PKD1L3: variants seen among roughly 807,000 people sequenced by gnomAD.
PKD1L3 encodes polycystin 1 like 3, transient receptor potential channel interacting.
Under a neutral mutation model 184.1 loss-of-function variants are expected in PKD1L3, and 239 were observed. That is an observed-to-expected ratio of 1.30 (90% CI 1.17 to 1.45). The LOEUF (loss-of-function observed/expected upper bound fraction) is 1.45. Ranked by LOEUF, PKD1L3 falls within the 40% of genes most tolerant of loss-of-function variation. The probability of loss-of-function intolerance (pLI) is 0.00; values close to 1 mark genes in which losing one functional copy is unlikely to be tolerated. For missense variants in PKD1L3, 2,660 were observed against 2,067.2 expected (o/e 1.29, Z -5.56); for synonymous variants, 996 against 778.8 (o/e 1.28, Z -4.64).
Position 71,999,946 on chromosome 16 carries a change from T to C in PKD1L3, c.33A>G (p.Leu11=), listed in dbSNP as rs904950379. The change falls in exon 1 of 30, where the codon TTA becomes TTG. Residue 11 remains leucine, a synonymous_variant. Transcript: ENST00000620267. MFFKGGSWLW[L]YIRTSIILGS... ...CTAGAATAATACTTGTTCTGATGTA[T>C]AACCAAAGCCAGCTTCCTCCTTTGA... is the stretch of plus-strand genomic sequence containing the variant. 30 of 1,534,860 alleles carry C rather than the reference T, an allele frequency of 2.0e-5. 1 individual carries two copies. The highest frequency in any genetic ancestry group is 4.4e-6 in the Non-Finnish European group (5 of 1,134,586).
At position 71,973,442 on chromosome 16, in the gene PKD1L3, A is replaced by C; in HGVS notation, c.1835T>G (p.Leu612Arg). The part of the protein sequence containing the change: ...GIGTYYITAV[L>R]SERQEGAQQT... ...CTGAGCACCCTCCTGCCTCTCACTC[A>C]GCACAGCTGTTATATAGTAGGTGCC... The change falls in exon 12 of 30, where the codon CTG becomes CGG. Residue 612 changes from leucine to arginine, a missense_variant. Transcript: ENST00000620267. 2.6e-6 allele frequency: 4 copies of C among 1,551,816 alleles called. No homozygotes were observed. Among genetic ancestry groups the C allele is most frequent in the Non-Finnish European group, 3.5e-6 (4 of 1,147,038 alleles).
Position 71,990,292 on chromosome 16 carries a change from A to C in PKD1L3, c.573T>G (p.Leu191=), listed in dbSNP as rs2040538617. The stretch of plus-strand genomic sequence containing the variant: ...GGGAAGCACTTACAAGATGAGCAGG[A>C]AGAGGATAGTGACATGTGGTTGGAA... The part of the protein sequence containing the change: ...GHLPTTCHYP[L]PAHLSKTLCH... The change falls in exon 4 of 30, where the codon CTT becomes CTG. Residue 191 remains leucine (L), a synonymous_variant. Transcript: ENST00000620267. 2 of 1,548,172 alleles carry C rather than the reference A, an allele frequency of 1.3e-6. No homozygotes were observed. The highest frequency in any genetic ancestry group is 1.7e-6 in the Non-Finnish European group (2 of 1,144,300).
chr16:71,967,971 C>T lies in PKD1L3; in HGVS notation c.2221G>A (p.Ala741Thr), dbSNP rs1019953806. 6.5e-5 allele frequency: 101 copies of T among 1,551,340 alleles called. 1 individual carries two copies. Among genetic ancestry groups the T allele is most frequent in the Middle Eastern group, 3.3e-4 (2 of 6,014 alleles). The change falls in exon 14 of 30, where the codon GCT becomes ACT. Residue 741 changes from alanine (A) to threonine (T), a missense_variant. Ala to Thr is a moderately conservative substitution (Grantham distance 58). Coordinates refer to ENST00000620267, the MANE Select transcript of PKD1L3 (RefSeq NM_181536.2). ...ACCTGAATAAGGTAGTGAAATTGAG[C>T]GCTGGGGTCATTATCAGCCAGGACA... ...VTVLADNDPS[A>T]QFHYLIQVYT...
chr16:71,957,775 G>A (rs1230970856), intron 16 of PKD1L3, among the ~76,000 whole-genome samples: 1 of 152,128 alleles, frequency 6.6e-6, no homozygotes, highest in African/African-American at 2.4e-5. Context: ...ATGGAAGAAG[G>A]TATTCCATGT....
At chr16:71,985,635 A>G (rs1233455114) in intron 5 of PKD1L3, among the ~76,000 whole-genome samples, 1 of 152,024 alleles carries the variant, frequency 6.6e-6, no homozygotes, top group Non-Finnish European at 1.5e-5. Context: ...AGGTCTCATA[A>G]AGTTGCCTAA....
intron 7 of PKD1L3, among the ~76,000 whole-genome samples, chr16:71,980,434 C>T (rs1472077651): frequency 6.6e-6 from 1 of 152,172 alleles, no homozygotes; most frequent in East Asian, 1.9e-4. Context: ...GTAACTTTCA[C>T]ATATACAGTT....
intron 18 of PKD1L3, among the ~76,000 whole-genome samples, chr16:71,952,504 C>T (rs1159801622): frequency 1.4e-5 from 2 of 144,268 alleles, no homozygotes; most frequent in Non-Finnish European, 3.0e-5. Context: ...CAGGCGTGAG[C>T]CACCGTGCCC....
chr16:71,952,918 A>T lies in PKD1L3; in HGVS notation c.2985T>A (p.Pro995=). ...CCTCAACTACCATTGTGGCAGAGAG[A>T]GGCTCAACAGAAGCATCTGAGAGGC... ...ASCLSDASVE[P]LSATMVVEEL... Residue 995 remains proline (P), a synonymous_variant, in exon 18 of 30, where the codon CCT becomes CCA. Transcript: ENST00000620267. 1 of 1,549,222 alleles carries T rather than the reference A, an allele frequency of 6.5e-7. No homozygotes were observed. Among genetic ancestry groups the T allele is most frequent in the Non-Finnish European group, 8.7e-7 (1 of 1,146,468 alleles).
In PKD1L3 at chr16:71,950,718, CTTTT is replaced by C. The variant is rs552837146; in HGVS notation, c.3191-412_3191-409del. ...GGATATGTGGGTATAATACAGAAAA[CTTTT>C]TTTTGTATTTCTCTCTTTTTTTTTT... On this transcript the variant is annotated intron_variant, in intron 19 of 29. Transcript: ENST00000620267. Among the ~76,000 whole-genome samples the C allele has an allele frequency of 2.9e-3, 413 of 143,274 alleles. 2 individuals carry two copies. The highest frequency in any genetic ancestry group is 0.01 in the African/African-American group (395 of 38,968). The allele number at this position is 143,274 out of a possible 152,430, so 94.0% of individuals were successfully genotyped here. A position where few individuals can be genotyped will look rare whatever the true frequency, so the allele number is the denominator to read the frequency against.
intron 12 of PKD1L3, 134 bp downstream of exon 12, chr16:71,973,190 T>G (rs2039783356): frequency 1.8e-6 from 2 of 1,109,820 alleles, no homozygotes. Flanking sequence ...CCTCCCTCCT[T>G]TTGCCCAGGC....
chr16:71,936,789 T>G (rs1183541360), intron 25 of PKD1L3, among the ~76,000 whole-genome samples: 1 of 152,114 alleles, frequency 6.6e-6, no homozygotes, highest in African/African-American at 2.4e-5. Flanking sequence ...TATTTTTGAG[T>G]GCTTGCTCTT....
chr16:71,941,457 C>G (rs938442650), intron 24 of PKD1L3, among the ~76,000 whole-genome samples: 1 of 150,978 alleles, frequency 6.6e-6, no homozygotes, highest in Non-Finnish European at 1.5e-5. Flanking sequence ...GTTACAATGT[C>G]AAAATGCTAG....
intron 2 of PKD1L3, among the ~76,000 whole-genome samples, chr16:71,997,809 A>C (rs1285798947): frequency 6.6e-6 from 1 of 151,804 alleles, no homozygotes; most frequent in East Asian, 1.9e-4. Context: ...CACACACACA[A>C]ATGCATACGT....
chr16:71,978,100 G>GGT (rs2039998875), intron 10 of PKD1L3, among the ~76,000 whole-genome samples, 155 bp downstream of exon 10: 1 of 152,142 alleles, frequency 6.6e-6, no homozygotes, highest in Admixed American at 6.5e-5. Flanking sequence ...CTAAGGATAA[G>GGT]GTGTATCTCT....
At chr16:71,999,544 A>T in intron 1 of PKD1L3, 140 bp downstream of exon 1, 1 of 840,426 alleles carries the variant, frequency 1.2e-6, no homozygotes, top group Non-Finnish European at 1.7e-6. Context: ...GAAATATTTC[A>T]GAGGAAAGAT....
At chr16:71,977,598 T>C in intron 10 of PKD1L3, 131 bp from the exon 11 acceptor site, 1 of 689,146 alleles carries the variant, frequency 1.5e-6, no homozygotes. Context: ...GGTCTTGCTA[T>C]GTTGGCCACG....
intron 13 of PKD1L3, 131 bp from the exon 14 acceptor site, chr16:71,968,138 G>T: frequency 1.5e-6 from 1 of 674,058 alleles, no homozygotes; most frequent in Non-Finnish European, 2.5e-6. Flanking sequence ...GGGCTGAGGT[G>T]TGGGCAGCAG....
chr16:71,950,718 CTT>C (rs552837146), intron 19 of PKD1L3, among the ~76,000 whole-genome samples: 2 of 143,192 alleles, frequency 1.4e-5, no homozygotes, highest in African/African-American at 2.6e-5. Flanking sequence ...ATACAGAAAA[CTT>C]TTTTTTGTAT....
chr16:71,955,735 T>C (rs2039020285), intron 16 of PKD1L3, among the ~76,000 whole-genome samples: 1 of 152,150 alleles, frequency 6.6e-6, no homozygotes, highest in African/African-American at 2.4e-5. Flanking sequence ...TGGAGATAAC[T>C]GAATCATGGG....
Sources: gnomAD v4.1 joint callset for allele counts (sites outside exome capture counted in the v4.1 genomes callset) on GRCh38, gnomAD v4.1.1 for gene constraint, MANE v1.5 for transcripts, NCBI Gene and HGNC (gene_info 2026-07-23, HGNC 2026-07-21) for gene names.